IARS1: variants seen among roughly 807,000 people sequenced by gnomAD.
The protein encoded by IARS1 is isoleucyl-tRNA synthetase 1.
Under a neutral mutation model 168.2 loss-of-function variants are expected in IARS1, and 124 were observed. That is an observed-to-expected ratio of 0.74 (90% CI 0.64 to 0.86). The LOEUF is 0.86. IARS1 is among the 40% of genes least tolerant of loss of function. The pLI is 0.00. For synonymous variants in IARS1, 532 were observed against 529.4 expected (o/e 1.00, Z -0.07); for missense variants, 1,452 against 1,515.8 (o/e 0.96, Z 0.70).
intron 14 of IARS1, 79 bp downstream of exon 14, chr9:92,268,095 T>A: frequency 7.0e-7 from 1 of 1,437,070 alleles, no homozygotes; most frequent in Non-Finnish European, 9.2e-7. Flanking sequence ...AAACACCCTA[T>A]TCTTTTAAAC....
At chr9:92,256,219 T>A (rs891437803) in intron 20 of IARS1, 2 of 152,190 alleles carry the variant, frequency 1.3e-5, no homozygotes, top group African/African-American at 4.8e-5. Flanking sequence ...TTCGCTCTTA[T>A]TGCCCAGGCA....
At chr9:92,247,710 T>C (rs1564169898) in intron 25 of IARS1, among the ~76,000 whole-genome samples, 159 bp from the exon 26 acceptor site, 1 of 152,230 alleles carries the variant, frequency 6.6e-6, no homozygotes, top group Non-Finnish European at 1.5e-5. Context: ...AGCATACACA[T>C]GCAATAGAGT....
rs1832156427 is a variant in IARS1 at position 92,265,496 on chromosome 9, C to G, written c.1489G>C (p.Asp497His). The change falls in exon 15 of 34, where the codon GAT (aspartate) becomes CAT (histidine). Residue 497 changes from aspartate (D) to histidine (H), a missense_variant. Physicochemically the swap from Asp to His is moderately conservative, Grantham distance 81. Coordinates refer to ENST00000443024, the MANE Select transcript of IARS1 (RefSeq NM_002161.6). ...LEELSGAKIS[D>H]LHRESVDHLT... The stretch of plus-strand genomic sequence containing the variant: ...GAAACTGACCTCTCTCTGTGGAGAT[C>G]TGAGATCTTTGCTCCTGACAGTTCT... 1.2e-6 allele frequency: 2 copies of G among 1,613,792 alleles called. No homozygotes were observed. Among genetic ancestry groups the G allele is most frequent in the Non-Finnish European group, 1.7e-6 (2 of 1,179,894 alleles).
chr9:92,277,514 C>T (rs1169686563), intron 9 of IARS1, among the ~76,000 whole-genome samples: 1 of 151,958 alleles, frequency 6.6e-6, no homozygotes, highest in East Asian at 1.9e-4. Context: ...TCTGTCTCTA[C>T]AAAAAACTAA....
intron 16 of IARS1, among the ~76,000 whole-genome samples, chr9:92,263,787 G>C (rs1564177765): frequency 1.3e-5 from 2 of 152,216 alleles, no homozygotes; most frequent in East Asian, 3.8e-4. Flanking sequence ...GGATCCACAT[G>C]AGGACTGTTA....
chr9:92,224,310 G>C (rs1052191607), intron 31 of IARS1, among the ~76,000 whole-genome samples: 3 of 152,172 alleles, frequency 2.0e-5, no homozygotes, highest in African/African-American at 7.2e-5. Flanking sequence ...ATAGTGATGG[G>C]TGGAAATCCT....
intron 33 of IARS1, among the ~76,000 whole-genome samples, chr9:92,214,520 TCA>T (rs1838297865): frequency 6.6e-6 from 1 of 152,136 alleles, no homozygotes; most frequent in South Asian, 2.1e-4. Flanking sequence ...CGGGTTCATC[TCA>T]CTAGGGAGTG....
In IARS1 at chr9:92,214,660, G is replaced by T. The variant is rs577687660; in HGVS notation, c.3707-3771C>A. ...TTTCCGAGTCAAAGAAAGGGGTGACGGACGGCACCTGGAAAATTGGGTCAC... is the reference window on the plus strand; with the variant it reads ...TTTCCGAGTCAAAGAAAGGGGTGACTGACGGCACCTGGAAAATTGGGTCAC... On this transcript the variant is annotated intron_variant, in intron 33 of 33. Coordinates refer to ENST00000443024, the MANE Select transcript of IARS1 (RefSeq NM_002161.6). Among the ~76,000 whole-genome samples, 3 of 152,168 alleles carry T rather than the reference G, an allele frequency of 2.0e-5. 1 individual carries two copies. Among genetic ancestry groups the T allele is most frequent in the Non-Finnish European group, 4.4e-5 (3 of 68,024 alleles).
intron 7 of IARS1, among the ~76,000 whole-genome samples, chr9:92,280,205 A>G (rs1450005190): frequency 6.6e-6 from 1 of 152,240 alleles, no homozygotes; most frequent in Non-Finnish European, 1.5e-5. Flanking sequence ...CTTTTTGAAG[A>G]AATGTCACTG....
chr9:92,270,874 TA>T, intron 12 of IARS1, 110 bp downstream of exon 12: 1 of 680,000 alleles, frequency 1.5e-6, no homozygotes. Flanking sequence ...AAACCAACTC[TA>T]AAGGATACAA....
chr9:92,276,058 T>C (rs1479022743), intron 9 of IARS1, among the ~76,000 whole-genome samples: 1 of 152,188 alleles, frequency 6.6e-6, no homozygotes, highest in East Asian at 1.9e-4. Flanking sequence ...TGAGAGTCAC[T>C]GATCCAGTGG....
rs1832587265 is a variant in IARS1, at chr9:92,268,415, G to A, written c.1305-115C>T. The A allele has an allele frequency of 5.4e-5, 54 of 1,005,434 alleles. No individual in the cohort carries two copies. In the Middle Eastern group the frequency reaches 8.6e-4, roughly 16 times the overall value. 62.3% of individuals were successfully genotyped at this position (1,005,434 alleles called of 1,614,324 possible). ...TTTGTGGACCAAACACTCTGGAAAC[G>A]TGGCGCTCACTGCAAAGAGAATGTC... On this transcript the variant is annotated intron_variant, in intron 13 of 33. Transcript: ENST00000443024.
At chr9:92,267,933 T>C (rs1025442528) in intron 14 of IARS1, among the ~76,000 whole-genome samples, 4 of 152,168 alleles carry the variant, frequency 2.6e-5, no homozygotes, top group Non-Finnish European at 5.9e-5. Flanking sequence ...CTGAGAAAAC[T>C]GTATCCTTTT....
intron 20 of IARS1, among the ~76,000 whole-genome samples, chr9:92,254,378 C>T (rs1359827763): frequency 2.6e-5 from 4 of 152,154 alleles, no homozygotes; most frequent in East Asian, 3.9e-4. Context: ...AGAATAAGAC[C>T]GATACTTAGA....
At chr9:92,222,428 T>G (rs1212420386) in intron 33 of IARS1, 92 bp downstream of exon 33, 2 of 857,920 alleles carry the variant, frequency 2.3e-6, no homozygotes, top group Non-Finnish European at 1.8e-6. Flanking sequence ...ATAACAATAG[T>G]ACTATCTTAC....
At chr9:92,239,622 T>C (rs1260567461) in intron 30 of IARS1, among the ~76,000 whole-genome samples, 1 of 152,132 alleles carries the variant, frequency 6.6e-6, no homozygotes, top group African/African-American at 2.4e-5. Flanking sequence ...CATTTGTAAA[T>C]GGGAGGGATG....
chr9:92,234,567 CCTCTGTACAAGAACA>C (rs1292935654), intron 30 of IARS1, among the ~76,000 whole-genome samples: 1 of 152,176 alleles, frequency 6.6e-6, no homozygotes, highest in Non-Finnish European at 1.5e-5. Context: ...TGCTGCTGGC[CCTCTGTACAAGAACA>C]CTGTTCTTGT....
At chr9:92,223,610 G>A in intron 31 of IARS1, 121 bp from the exon 32 acceptor site, 1 of 775,144 alleles carries the variant, frequency 1.3e-6, no homozygotes, top group Non-Finnish European at 2.0e-6. Context: ...CTTAATTTCT[G>A]TTTATCAAGA....
intron 33 of IARS1, among the ~76,000 whole-genome samples, chr9:92,220,601 A>G (rs1480578359): frequency 6.6e-6 from 1 of 151,906 alleles, no homozygotes; most frequent in Non-Finnish European, 1.5e-5. Flanking sequence ...CCTGGGCAAC[A>G]AGAGTGAAAC....
Sources: gnomAD v4.1 joint callset for allele counts (sites outside exome capture counted in the v4.1 genomes callset) on GRCh38, gnomAD v4.1.1 for gene constraint, MANE v1.5 for transcripts, NCBI Gene and HGNC (gene_info 2026-07-23, HGNC 2026-07-21) for gene names.